The following HS3ST4 variants were observed in gnomAD, a reference collection of about 807,000 sequenced individuals.
The protein encoded by HS3ST4 is heparan sulfate glucosamine 3-O-sulfotransferase 4.
In HS3ST4, 17 loss-of-function variants were observed where a neutral mutation model predicts 29.2. The observed-to-expected ratio is 0.58, with a 90% confidence interval of 0.40 to 0.87. The LOEUF is 0.87. Ranked by LOEUF, HS3ST4 falls within the 40% of genes least tolerant of loss-of-function variation. The pLI, the probability that HS3ST4 is intolerant of heterozygous loss-of-function variation, is 0.00. For synonymous variants in HS3ST4, 314 were observed against 285.7 expected (o/e 1.10, Z -1.00); for missense variants, 627 against 634.5 (o/e 0.99, Z 0.13).
At chr16:26,116,411 GAGA>G (rs1252973393) in intron 1 of HS3ST4, among the ~76,000 whole-genome samples, 3 of 152,198 alleles carry the variant, frequency 2.0e-5, no homozygotes, top group Non-Finnish European at 4.4e-5. Context: ...CATTCAAGGG[GAGA>G]AGGTTATGCA....
intron 1 of HS3ST4, among the ~76,000 whole-genome samples, chr16:25,995,689 C>G (rs1230824259): frequency 6.6e-6 from 1 of 152,092 alleles, no homozygotes; most frequent in Non-Finnish European, 1.5e-5. Flanking sequence ...AGGTAAAGAA[C>G]AGGCAGGAAA....
chr16:25,877,559 G>A lies in HS3ST4; in HGVS notation c.734+184408G>A, dbSNP rs558872985. Among the ~76,000 whole-genome samples, 56 of 152,240 alleles carry A rather than the reference G, an allele frequency of 3.7e-4. No homozygotes were observed. In the South Asian group the frequency reaches 6.9e-3, roughly 19 times the overall value. On this transcript the variant is annotated intron_variant, in intron 1 of 1. Transcript: ENST00000331351. ...TGACAACAGAGACAGAGATTGGCAC[G>A]ATGTACCTGCAAACCAAGGAATGCT...
chr16:25,835,753 G>A (rs1009676814), intron 1 of HS3ST4, among the ~76,000 whole-genome samples: 16 of 152,136 alleles, frequency 1.1e-4, no homozygotes, highest in African/African-American at 3.6e-4. Context: ...GTGACTTGCC[G>A]GGGGCTGATT....
intron 1 of HS3ST4, among the ~76,000 whole-genome samples, chr16:25,781,812 T>C (rs1294451281): frequency 6.6e-6 from 1 of 152,192 alleles, no homozygotes; most frequent in Non-Finnish European, 1.5e-5. Context: ...TGCACAGTTA[T>C]CCTTCTTCTC....
intron 1 of HS3ST4, among the ~76,000 whole-genome samples, chr16:25,953,498 T>C (rs1446504467): frequency 6.6e-6 from 1 of 152,130 alleles, no homozygotes; most frequent in Non-Finnish European, 1.5e-5. Flanking sequence ...TTCTGCCCAA[T>C]AGGGTGTAAG....
At position 25,894,979 on chromosome 16, in the gene HS3ST4, G is replaced by A. The variant is rs571975814; in HGVS notation, c.734+201828G>A. On this transcript the variant is annotated intron_variant, in intron 1 of 1. Coordinates refer to ENST00000331351, the MANE Select transcript of HS3ST4 (RefSeq NM_006040.3). ...GGACAATAGTGATGGGGAGATGAGC[G>A]AATAAAAATCCTGGTTTTAGTTTGG... Among the ~76,000 whole-genome samples, 176 of 152,272 alleles carry A rather than the reference G, an allele frequency of 1.2e-3. 1 individual carries two copies. The highest frequency in any genetic ancestry group is 3.9e-3 in the African/African-American group (164 of 41,552).
chr16:26,041,714 T>C (rs1969637547), intron 1 of HS3ST4, among the ~76,000 whole-genome samples: 1 of 152,182 alleles, frequency 6.6e-6, no homozygotes, highest in African/African-American at 2.4e-5. Flanking sequence ...TAAAACCTTA[T>C]TCACAAAAAC....
At position 25,789,126 on chromosome 16, in the gene HS3ST4, GGAT is replaced by G. The variant is rs1232019931; in HGVS notation, c.734+95980_734+95982del. On this transcript the variant is annotated intron_variant, in intron 1 of 1. Transcript: ENST00000331351. ...TACCTCAGCTTCCTCGTCTGTGAGT[GGAT>G]GATGTGTGTTTGCCCCCAGAAGAAG... Among the ~76,000 whole-genome samples, 4 of 152,176 alleles carry G rather than the reference GGAT, an allele frequency of 2.6e-5. No homozygotes were observed. In the East Asian group the frequency reaches 7.7e-4, roughly 29 times the overall value.
At chr16:25,771,416 T>G (rs1164308743) in intron 1 of HS3ST4, among the ~76,000 whole-genome samples, 1 of 152,056 alleles carries the variant, frequency 6.6e-6, no homozygotes, top group Non-Finnish European at 1.5e-5. Context: ...ACAGGACAGC[T>G]CCCTGTTGTG....
intron 1 of HS3ST4, among the ~76,000 whole-genome samples, chr16:25,828,242 C>T (rs113916073): frequency 0.12 from 8,642 of 74,314 alleles, 1,054 homozygotes; most frequent in Non-Finnish European, 0.12. Flanking sequence ...TTCTTTCTTT[C>T]TCTTTCTTTC....
Position 26,136,400 on chromosome 16 carries a change from C to T in HS3ST4, c.*152C>T. 1 of 725,486 alleles carries T rather than the reference C, an allele frequency of 1.4e-6. No individual in the cohort carries two copies. Among genetic ancestry groups the T allele is most frequent in the South Asian group, 1.9e-5 (1 of 52,122 alleles). 44.9% of individuals were successfully genotyped at this position (725,486 alleles called of 1,614,324 possible). A position where few individuals can be genotyped will look rare whatever the true frequency, so the allele number is the denominator to read the frequency against. On this transcript the variant is annotated 3_prime_UTR_variant, in exon 2 of 2. Transcript: ENST00000331351. Reference sequence around the variant, plus strand: ...CCAGGATTGCCTCCAGTGCTGTTAGCTTAGGCAAACAGGTGGATCCCATGG... The same window carrying T: ...CCAGGATTGCCTCCAGTGCTGTTAGTTTAGGCAAACAGGTGGATCCCATGG...
intron 1 of HS3ST4, among the ~76,000 whole-genome samples, chr16:26,020,992 T>C (rs1486647216): frequency 6.6e-6 from 1 of 152,248 alleles, no homozygotes; most frequent in Non-Finnish European, 1.5e-5. Flanking sequence ...GATGCATCCA[T>C]GCATATAAGG....
intron 1 of HS3ST4, among the ~76,000 whole-genome samples, chr16:25,766,339 G>C (rs1966819074): frequency 6.6e-6 from 1 of 152,132 alleles, no homozygotes; most frequent in Non-Finnish European, 1.5e-5. Context: ...AGTACAGAAG[G>C]AATTGTAGAA....
chr16:25,766,840 A>G (rs1966822631), intron 1 of HS3ST4, among the ~76,000 whole-genome samples: 1 of 152,192 alleles, frequency 6.6e-6, no homozygotes, highest in African/African-American at 2.4e-5. Context: ...CTGTGAAGTA[A>G]GAGGGTCCTG....
intron 1 of HS3ST4, among the ~76,000 whole-genome samples, chr16:25,754,954 C>T (rs1966747438): frequency 6.6e-6 from 1 of 151,936 alleles, no homozygotes; most frequent in East Asian, 1.9e-4. Context: ...TCTATCTACC[C>T]ATCCAGGTAC....
intron 1 of HS3ST4, among the ~76,000 whole-genome samples, chr16:26,081,766 T>A (rs1898726352): frequency 6.6e-6 from 1 of 150,640 alleles, no homozygotes; most frequent in Non-Finnish European, 1.5e-5. Flanking sequence ...GTAGACCCCA[T>A]GTACTTCAGG....
intron 1 of HS3ST4, among the ~76,000 whole-genome samples, chr16:26,135,373 A>G (rs1177755608): frequency 6.6e-6 from 1 of 152,188 alleles, no homozygotes; most frequent in African/African-American, 2.4e-5. Context: ...TAGAATAGCC[A>G]TTTAAACCTA....
At chr16:25,741,365 T>TAAAAAAAAAAAAAAAAAAAAA (rs66788248) in intron 1 of HS3ST4, among the ~76,000 whole-genome samples, 1 of 66,194 alleles carries the variant, frequency 1.5e-5, no homozygotes, top group African/African-American at 6.1e-5. Context: ...GAATTCAAGG[T>TAAAAAAAAAAAAAAAAAAAAA]AAAAAAAAAA....
intron 1 of HS3ST4, among the ~76,000 whole-genome samples, chr16:26,081,525 C>A (rs11645158): frequency 0.014 from 2,126 of 152,208 alleles, 29 homozygotes; most frequent in Middle Eastern, 0.031. Context: ...CATTTCAAAT[C>A]CTGTGCAGTC....
Sources: allele counts gnomAD v4.1 joint callset (sites outside exome capture counted in the v4.1 genomes callset), GRCh38; gene constraint gnomAD v4.1.1; transcripts MANE v1.5; gene names NCBI Gene and HGNC (gene_info 2026-07-23, HGNC 2026-07-21).